The following PTOV1 variants were observed in gnomAD, a reference collection of about 807,000 sequenced individuals.
PTOV1 encodes the protein prostate tumor-overexpressed gene 1 protein.
In PTOV1, 20 loss-of-function variants were observed where a neutral mutation model predicts 58.0. The observed-to-expected ratio is 0.34, with a 90% CI of 0.24 to 0.50. The LOEUF (loss-of-function observed/expected upper bound fraction) is 0.50, where lower values mean the gene tolerates loss of function less well. Among genes scored for constraint, PTOV1 ranks in the 20% least tolerant of loss-of-function variants. PTOV1 has a pLI of 0.98. For missense variants in PTOV1, 593 were observed against 565.4 expected (o/e 1.05, Z -0.50); for synonymous variants, 335 against 234.2 (o/e 1.43, Z -3.93).
upstream of PTOV1, chr19:49,851,084 C>T: frequency 6.9e-7 from 1 of 1,454,350 alleles, no homozygotes; most frequent in Admixed American, 2.4e-5. Context: ...CCCCGCTCCC[C>T]CGCGCCGCCT....
intron 10 of PTOV1, 194 bp from the exon 11 acceptor site, chr19:49,859,792 G>C: frequency 1.6e-6 from 1 of 620,748 alleles, no homozygotes; most frequent in South Asian, 1.9e-5. Context: ...GAGCCTGTTG[G>C]CCTTTGGCCC....
In PTOV1 at chr19:49,858,529, G is replaced by T. The variant is rs549408908; in HGVS notation, c.937-20G>T. On this transcript the variant is annotated intron_variant, in intron 9 of 11. Coordinates refer to ENST00000391842, the Ensembl canonical transcript of PTOV1. ...GTGGTGGGAGAAGCCAGAGCTGGGG[G>T]TCCCCTCGCTTCCCCGCAGACCACC... is the stretch of plus-strand genomic sequence containing the variant. The T allele has an allele frequency of 6.4e-7, 1 of 1,565,342 alleles. No individual in the cohort carries two copies. Among genetic ancestry groups the T allele is most frequent in the Non-Finnish European group, 8.7e-7 (1 of 1,152,024 alleles).
At chr19:49,853,129 T>C (rs1183607651) in intron 1 of PTOV1, 1 of 152,158 alleles carries the variant, frequency 6.6e-6, no homozygotes, top group Admixed American at 6.5e-5. Flanking sequence ...TTTTAAGCAC[T>C]CACAAAATAA....
upstream of PTOV1, chr19:49,850,826 T>C (rs1009930469): frequency 3.3e-6 from 5 of 1,532,410 alleles, no homozygotes; most frequent in Non-Finnish European, 2.6e-6. Flanking sequence ...CGTCCTCCCC[T>C]CTTCCCTGAT....
chr19:49,854,976 C>T (rs777620576), exon 5 of PTOV1: 2 of 1,599,574 alleles, frequency 1.3e-6, no homozygotes, highest in Admixed American at 1.7e-5. Flanking sequence ...CCAGACCACC[C>T]TGGGCCCCCT....
exon 1 of PTOV1, chr19:49,851,284 C>T (rs960306735): frequency 1.0e-5 from 11 of 1,075,010 alleles, no homozygotes; most frequent in Non-Finnish European, 1.0e-5. Context: ...CGCAGCCCCC[C>T]TTGTGGCCCG....
intron 5 of PTOV1, chr19:49,856,206 C>A (rs369773771): frequency 6.6e-6 from 1 of 152,270 alleles, no homozygotes; most frequent in Non-Finnish European, 1.5e-5. Flanking sequence ...CCCCGAGTAC[C>A]CAGTCTGTAG....
exon 2 of PTOV1, chr19:49,854,417 G>C (rs2122197061): frequency 6.2e-7 from 1 of 1,610,670 alleles, no homozygotes; most frequent in African/African-American, 1.3e-5. Context: ...AAGGTGCTCG[G>C]GTCTTCGGGG....
At chr19:49,857,961 A>G (rs763418419) in exon 8 of PTOV1, 2 of 1,613,576 alleles carry the variant, frequency 1.2e-6, no homozygotes, top group African/African-American at 2.7e-5. Context: ...CGTCTACGTG[A>G]ACCAGGGGGA....
rs780424516 is a variant in PTOV1 at position 49,857,709 on chromosome 19, G to A, written c.731G>A (p.Gly244Asp). Residue 244 changes from glycine (G) to aspartate (D), a missense_variant, in exon 7 of 12, where the codon GGT (glycine) becomes GAT (aspartate). Transcript: ENST00000391842. Reference sequence around the variant, plus strand: ...TTCCAACAGGCAGTGGGACCTGGTGGTGTCAACTCAGGCCCAGTCCAGATC... The same window carrying A: ...TTCCAACAGGCAGTGGGACCTGGTGATGTCAACTCAGGCCCAGTCCAGATC... 52 of 1,613,954 alleles carry A rather than the reference G, an allele frequency of 3.2e-5. No homozygotes were observed. The highest frequency in any genetic ancestry group is 4.4e-5 in the Non-Finnish European group (52 of 1,179,960).
At chr19:49,854,566 C>T in intron 2 of PTOV1, 23 bp downstream of exon 2, 1 of 1,612,502 alleles carries the variant, frequency 6.2e-7, no homozygotes, top group Non-Finnish European at 8.5e-7. Context: ...GGGGCTGCGG[C>T]TGGCCTCCAG....
chr19:49,858,013 G>A, intron 8 of PTOV1, 36 bp downstream of exon 8: 1 of 1,613,272 alleles, frequency 6.2e-7, no homozygotes, highest in Admixed American at 1.7e-5. Context: ...GCAGCATCCA[G>A]GGGAGCTGGG....
At chr19:49,858,186 G>A in intron 9 of PTOV1, 72 bp downstream of exon 9, 3 of 1,550,278 alleles carry the variant, frequency 1.9e-6, no homozygotes, top group Admixed American at 3.6e-5. Flanking sequence ...GGGGGCAAGA[G>A]CGCCTCCCCA....
chr19:49,855,211 C>T (rs1359190366), intron 5 of PTOV1, 134 bp downstream of exon 5: 3 of 823,036 alleles, frequency 3.6e-6, no homozygotes, highest in Middle Eastern at 3.2e-4. Flanking sequence ...CTCTCGGACC[C>T]CATCTGGAAA....
In PTOV1 at chr19:49,857,788, C is replaced by T; in HGVS notation, c.804+6C>T. The T allele has an allele frequency of 1.9e-6, 3 of 1,614,012 alleles. No individual in the cohort carries two copies. The highest frequency in any genetic ancestry group is 2.2e-5 in the South Asian group (2 of 91,052). ...GTGTCATGGAGTGGCAGGAGGTGAG[C>T]ACTCGGCAGCCCAGGGACTTGGGAC... On this transcript the variant is annotated splice_donor_region_variant and intron_variant, in intron 7 of 11. Transcript: ENST00000391842.
exon 4 of PTOV1, chr19:49,854,883 C>A: frequency 6.2e-7 from 1 of 1,612,758 alleles, no homozygotes. Flanking sequence ...CCCTCAGCAG[C>A]TGCTGGTGAG....
At chr19:49,860,054 AGAG>A in exon 11 of PTOV1, 1 of 1,614,230 alleles carries the variant, frequency 6.2e-7, no homozygotes, top group Non-Finnish European at 8.5e-7. Context: ...TGTACTCTTC[AGAG>A]AAGAAAATCT....
chr19:49,856,482 C>T (rs917250234), intron 5 of PTOV1: 1 of 166,828 alleles, frequency 6.0e-6, no homozygotes, highest in Non-Finnish European at 1.3e-5. Context: ...TCCCATGCGC[C>T]ATCCTCAAGA....
chr19:49,858,617 A>C lies in PTOV1; in HGVS notation c.1005A>C (p.Thr335=), dbSNP rs35389621. 1.9e-6 allele frequency: 3 copies of C among 1,604,770 alleles called. No individual in the cohort carries two copies. In the Admixed American group the frequency reaches 5.1e-5, roughly 27 times the overall value. ...TCCACTTCACCAAGGACCTGGAGAC[A>C]CTGAAGAGCCTGTGCCGGATCATGG... Residue 335 remains threonine, a synonymous_variant, in exon 10 of 12, where the codon ACA becomes ACC. Transcript: ENST00000391842.
Sources: allele counts gnomAD v4.1 joint callset, GRCh38; gene constraint gnomAD v4.1.1; transcripts MANE v1.5; gene names NCBI Gene and HGNC (gene_info 2026-07-23, HGNC 2026-07-21).